The following ZNF620 variants were observed in gnomAD, a reference collection of about 807,000 sequenced individuals.
ZNF620 encodes zinc finger protein 620.
A neutral mutation model predicts 13.3 loss-of-function variants in ZNF620; 10 were observed. That is an observed-to-expected ratio of 0.75 (90% CI 0.46 to 1.28). The LOEUF is 1.28. ZNF620 is among the 50% of genes most tolerant of loss of function. The pLI is 0.00. For missense variants in ZNF620, 461 were observed against 500.2 expected, an observed-to-expected ratio of 0.92 and a Z score of 0.75; for synonymous variants, 166 against 177.6, an observed-to-expected ratio of 0.93 and a Z score of 0.52.
At position 40,514,651 on chromosome 3, in the gene ZNF620, A is replaced by T. The variant is rs1698316314; in HGVS notation, c.266-1209A>T. Among the ~76,000 whole-genome samples, 4 of 152,158 alleles carry T rather than the reference A, an allele frequency of 2.6e-5. No homozygotes were observed. The South Asian group carries it at 8.3e-4, about 32-fold the overall frequency. On this transcript the variant is annotated intron_variant, in intron 4 of 4. Coordinates refer to ENST00000314529, the MANE Select transcript of ZNF620 (RefSeq NM_175888.4). ...GCTGGGTATGGTGGTGTGCACCTGT[A>T]GTACCAGCTCCTGGGGAGGCTGAAG...
At position 40,506,126 on chromosome 3, in the gene ZNF620, G is replaced by T. The variant is rs1454891948; in HGVS notation, c.-62G>T. ...GGGATTCGCGGTCCGAGCTGAAGAGGTTCGCGGTCCGGGTAACTGATTGGT... is the reference window on the plus strand; with the variant it reads ...GGGATTCGCGGTCCGAGCTGAAGAGTTTCGCGGTCCGGGTAACTGATTGGT... On this transcript the variant is annotated 5_prime_UTR_variant, in exon 1 of 5. Coordinates refer to ENST00000314529, the MANE Select transcript of ZNF620 (RefSeq NM_175888.4). 6.4e-6 allele frequency: 4 copies of T among 623,020 alleles called. No homozygotes were observed. Among genetic ancestry groups the T allele is most frequent in the Non-Finnish European group, 8.6e-6 (3 of 347,788 alleles). The allele number at this position is 623,020 out of a possible 1,614,324, so 38.6% of individuals were successfully genotyped here. A position where few individuals can be genotyped will look rare whatever the true frequency, so the allele number is the denominator to read the frequency against.
At position 40,516,402 on chromosome 3, in the gene ZNF620, CATCAGAGA is replaced by C. The variant is rs1188413799; in HGVS notation, c.812_819del (p.Gln271ProfsTer8). 6.2e-7 allele frequency: 1 copy of C among 1,614,224 alleles called. No individual in the cohort carries two copies. The highest frequency in any genetic ancestry group is 8.5e-7 in the Non-Finnish European group (1 of 1,180,040). ...AAGTTCAGACACAGCCTTGATTCAG[CATCAGAGA>C]ATCCACACTGGAGAAAAGCCCTATG... On this transcript the variant is annotated frameshift_variant, in exon 5 of 5. Transcript: ENST00000314529. LOFTEE classifies it low-confidence loss of function (END_TRUNC).
At chr3:40,511,907 C>T (rs1012320359) in intron 3 of ZNF620, among the ~76,000 whole-genome samples, 1 of 152,040 alleles carries the variant, frequency 6.6e-6, no homozygotes, top group Non-Finnish European at 1.5e-5. Flanking sequence ...GTCTCGAACT[C>T]CTGGCCTCAA....
At chr3:40,506,264 C>T (rs957596918) in intron 1 of ZNF620, 40 bp from the exon 2 acceptor site, 27 of 1,540,030 alleles carry the variant, frequency 1.8e-5, no homozygotes, top group Non-Finnish European at 8.9e-6. Flanking sequence ...GGGTGCGAGG[C>T]AGCATCAATC....
Position 40,516,937 on chromosome 3 carries a change from C to T in ZNF620, c.*74C>T. On this transcript the variant is annotated 3_prime_UTR_variant, in exon 5 of 5. Coordinates refer to ENST00000314529, the MANE Select transcript of ZNF620 (RefSeq NM_175888.4). ...TTCATGCTTTTTATCAGTGTCCTCG[C>T]TGTCCTTCCTGGTTAGACACTTGGC... 6.8e-7 allele frequency: 1 copy of T among 1,479,152 alleles called. No homozygotes were observed. The highest frequency in any genetic ancestry group is 9.0e-7 in the Non-Finnish European group (1 of 1,105,494). The allele number at this position is 1,479,152 out of a possible 1,614,324, so 91.6% of individuals were successfully genotyped here.
chr3:40,506,473 G>C, intron 2 of ZNF620, 97 bp downstream of exon 2: 1 of 1,401,744 alleles, frequency 7.1e-7, no homozygotes, highest in Non-Finnish European at 9.9e-7. Flanking sequence ...TAGGCCAGTG[G>C]CTTCCATTGT....
intron 4 of ZNF620, among the ~76,000 whole-genome samples, chr3:40,514,830 C>T (rs1474267266): frequency 6.6e-6 from 1 of 152,162 alleles, no homozygotes; most frequent in South Asian, 2.1e-4. Flanking sequence ...TTCTGCTTCA[C>T]CCATTCTCTG....
chr3:40,515,788 G>A, intron 4 of ZNF620, 72 bp from the exon 5 acceptor site: 4 of 1,044,136 alleles, frequency 3.8e-6, no homozygotes, highest in Non-Finnish European at 5.2e-6. Flanking sequence ...TATTGTGTGT[G>A]TGTGTGTGTG....
At chr3:40,511,688 C>CTTT in intron 3 of ZNF620, 92 bp downstream of exon 3, 1 of 1,346,272 alleles carries the variant, frequency 7.4e-7, no homozygotes, top group South Asian at 1.5e-5. Context: ...TTCTTTTTTT[C>CTTT]TTTTTTTTTT....
intron 4 of ZNF620, 69 bp downstream of exon 4, chr3:40,512,584 C>A: frequency 1.8e-6 from 2 of 1,122,592 alleles, no homozygotes; most frequent in South Asian, 1.6e-5. Context: ...TTTCATTGTG[C>A]AAGAAGTGTT....
chr3:40,511,348 T>C, intron 2 of ZNF620, 122 bp from the exon 3 acceptor site: 2 of 1,370,050 alleles, frequency 1.5e-6, no homozygotes, highest in Non-Finnish European at 2.0e-6. Context: ...AGGGCTGGCC[T>C]CATGGTGGAG....
In ZNF620 at chr3:40,516,380, T is replaced by C; in HGVS notation, c.786T>C (p.Ser262=). 6.2e-7 allele frequency: 1 copy of C among 1,614,210 alleles called. No individual in the cohort carries two copies. The highest frequency in any genetic ancestry group is 8.5e-7 in the Non-Finnish European group (1 of 1,180,044). Residue 262 remains serine, a synonymous_variant, in exon 5 of 5, where the codon AGT becomes AGC. Transcript: ENST00000314529. Reference sequence around the variant, plus strand: ...GTAAAGAATGTGGAAAAGGTTTAAGTTCAGACACAGCCTTGATTCAGCATC... The same window carrying C: ...GTAAAGAATGTGGAAAAGGTTTAAGCTCAGACACAGCCTTGATTCAGCATC... The part of the protein sequence containing the change: ...FKCKECGKGL[S]SDTALIQHQR...
intron 4 of ZNF620, among the ~76,000 whole-genome samples, chr3:40,515,634 C>G (rs1575294256): frequency 1.3e-5 from 2 of 152,270 alleles, no homozygotes; most frequent in East Asian, 3.9e-4. Context: ...CCTTGCTTCC[C>G]TCCCGTCTCA....
Position 40,516,871 on chromosome 3 carries a change from C to A in ZNF620, c.*8C>A. On this transcript the variant is annotated 3_prime_UTR_variant, in exon 5 of 5. Transcript: ENST00000314529. ...ACACCTGTCCAAGCATAGGGCTATCCATAGTTAGGCCCACTGTGCCTCTCC... is the reference window on the plus strand; with the variant it reads ...ACACCTGTCCAAGCATAGGGCTATCAATAGTTAGGCCCACTGTGCCTCTCC... The A allele has an allele frequency of 1.3e-6, 2 of 1,579,642 alleles. No homozygotes were observed. Among genetic ancestry groups the A allele is most frequent in the South Asian group, 1.2e-5 (1 of 85,984 alleles).
chr3:40,507,275 A>T (rs1431197747), intron 2 of ZNF620, among the ~76,000 whole-genome samples: 1 of 151,998 alleles, frequency 6.6e-6, no homozygotes, highest in Admixed American at 6.6e-5. Flanking sequence ...TATTTTTAGT[A>T]GAGACCAGGT....
At chr3:40,511,692 T>G (rs1276473175) in intron 3 of ZNF620, 96 bp downstream of exon 3, 44 of 1,505,958 alleles carry the variant, frequency 2.9e-5, no homozygotes, top group Admixed American at 7.1e-5. Context: ...TTTTTTCTTT[T>G]TTTTTTGAGA....
At position 40,512,461 on chromosome 3, in the gene ZNF620, G is replaced by A; in HGVS notation, c.211G>A (p.Gly71Ser). 1 of 1,614,200 alleles carries A rather than the reference G, an allele frequency of 6.2e-7. No homozygotes were observed. Among genetic ancestry groups the A allele is most frequent in the East Asian group, 2.2e-5 (1 of 44,882 alleles). The change falls in exon 4 of 5, where the codon GGC (glycine) becomes AGC (serine). Residue 71 changes from glycine (G) to serine (S), a missense_variant. Physicochemically the swap from Gly to Ser is moderately conservative, Grantham distance 56 (BLOSUM62 0). Transcript: ENST00000314529. ...SQLEQGELPW[G>S]LDPWEPMGRE... ...GCTGGAGCAAGGGGAACTGCCATGG[G>A]GCCTCGATCCCTGGGAACCTATGGG...
rs147962917 is a variant in ZNF620, at chr3:40,516,079, A to G, written c.485A>G (p.Tyr162Cys). ...TDTSARHHEA[Y>C]EVKNGEKFEK... ...ACCTCAGCCAGGCACCATGAGGCCT[A>G]TGAGGTCAAGAATGGAGAGAAGTTT... Residue 162 changes from tyrosine to cysteine, a missense_variant, in exon 5 of 5, where the codon TAT becomes TGT. Coordinates refer to ENST00000314529, the MANE Select transcript of ZNF620 (RefSeq NM_175888.4). 2.5e-6 allele frequency: 4 copies of G among 1,614,152 alleles called. No individual in the cohort carries two copies. Among genetic ancestry groups the G allele is most frequent in the East Asian group, 2.2e-5 (1 of 44,882 alleles).
rs1051536313 is a variant in ZNF620 at position 40,511,459 on chromosome 3, T to C, written c.25-11T>C. On this transcript the variant is annotated splice_polypyrimidine_tract_variant and intron_variant, in intron 2 of 4. Coordinates refer to ENST00000314529, the MANE Select transcript of ZNF620 (RefSeq NM_175888.4). ...CTCACACAGGGTTTGAGCAGGAACT[T>C]GTTGTTTTAGGAACCAGTGACCTTT... 6.2e-6 allele frequency: 10 copies of C among 1,612,068 alleles called. No individual in the cohort carries two copies. The highest frequency in any genetic ancestry group is 7.6e-6 in the Non-Finnish European group (9 of 1,178,742).
Sources: gnomAD v4.1 joint callset for allele counts (sites outside exome capture counted in the v4.1 genomes callset) on GRCh38, gnomAD v4.1.1 for gene constraint, MANE v1.5 for transcripts, NCBI Gene and HGNC (gene_info 2026-07-23, HGNC 2026-07-21) for gene names.